Variants in PHF24 observed in about 807,000 individuals in gnomAD.
The protein encoded by PHF24 is Galpha inhibitory interacting protein.
Under a neutral mutation model 42.6 loss-of-function variants are expected in PHF24, and 25 were observed. The observed-to-expected ratio is 0.59, with a 90% confidence interval of 0.43 to 0.82. The LOEUF is 0.82. Among genes scored for constraint, PHF24 ranks in the 40% least tolerant of loss-of-function variants. The pLI is 0.00. For synonymous variants in PHF24, 185 were observed against 204.8 expected, an observed-to-expected ratio of 0.90 and a Z score of 0.83; for missense variants, 470 against 538.1, an observed-to-expected ratio of 0.87 and a Z score of 1.25.
At chr9:34,845,642 A>C in the PHF24 span, among the ~76,000 whole-genome samples, 5 of 151,910 alleles carry the variant, frequency 3.3e-5, no homozygotes, top group South Asian at 4.2e-4. Flanking sequence ...GTACATGTGC[A>C]CAATGTGCAG....
At chr9:34,846,316 T>C in the PHF24 span, among the ~76,000 whole-genome samples, 3 of 152,114 alleles carry the variant, frequency 2.0e-5, no homozygotes, top group Non-Finnish European at 4.4e-5. Flanking sequence ...TGGTATCTCA[T>C]TGTGGTTTTG....
chr9:34,923,401 G>T, the PHF24 span, among the ~76,000 whole-genome samples: 2 of 152,130 alleles, frequency 1.3e-5, no homozygotes, highest in Non-Finnish European at 2.9e-5. Context: ...AGTAGGATTG[G>T]TATTAGTCCT....
chr9:34,729,795 C>A, the PHF24 span, among the ~76,000 whole-genome samples: 1 of 152,234 alleles, frequency 6.6e-6, no homozygotes, highest in Non-Finnish European at 1.5e-5. Context: ...GGGGTCACCT[C>A]ATAAGAAGGG....
chr9:34,919,469 A>C, the PHF24 span, among the ~76,000 whole-genome samples: 1 of 152,006 alleles, frequency 6.6e-6, no homozygotes, highest in South Asian at 2.1e-4. Flanking sequence ...CACCCTTTCC[A>C]GCCTCTGATA....
At chr9:34,976,085 G>C (rs1347453907) in intron 3 of PHF24, 67 bp from the exon 4 acceptor site, 1 of 1,057,776 alleles carries the variant, frequency 9.5e-7, no homozygotes, top group Non-Finnish European at 1.5e-6. Flanking sequence ...TCTATTTCTA[G>C]CCCCCTTGAC....
the PHF24 span, among the ~76,000 whole-genome samples, chr9:34,815,569 G>T: frequency 6.6e-6 from 1 of 152,288 alleles, no homozygotes; most frequent in East Asian, 1.9e-4. Context: ...TGATCCACCT[G>T]CCTTGGCGTC....
chr9:34,975,400 G>C (rs1827150525), intron 3 of PHF24, among the ~76,000 whole-genome samples: 1 of 152,166 alleles, frequency 6.6e-6, no homozygotes, highest in Non-Finnish European at 1.5e-5. Context: ...GAAAAAGAAT[G>C]GTTTGAGTTC....
the PHF24 span, chr9:34,833,664 G>A: frequency 2.0e-6 from 3 of 1,518,298 alleles, no homozygotes; most frequent in East Asian, 2.5e-5. Flanking sequence ...AGTGAGTGGG[G>A]GCTAGTAGGA....
chr9:34,714,664 G>A, the PHF24 span, among the ~76,000 whole-genome samples: 3 of 152,256 alleles, frequency 2.0e-5, no homozygotes, highest in South Asian at 2.1e-4. Flanking sequence ...ACACAGAGCC[G>A]GTGAAAGGGA....
chr9:34,872,485 C>T, the PHF24 span, among the ~76,000 whole-genome samples: 1 of 151,440 alleles, frequency 6.6e-6, no homozygotes, highest in East Asian at 2.0e-4. Flanking sequence ...CGATAGTTTA[C>T]TGAGAATGAT....
chr9:34,847,511 G>A, the PHF24 span, among the ~76,000 whole-genome samples: 1 of 151,862 alleles, frequency 6.6e-6, no homozygotes. Flanking sequence ...CTGAGACAAT[G>A]GGGTTTTCTA....
chr9:34,963,202 C>T (rs367640993), intron 1 of PHF24, among the ~76,000 whole-genome samples: 8 of 151,126 alleles, frequency 5.3e-5, no homozygotes, highest in East Asian at 3.9e-4. Flanking sequence ...GGAGAACAAT[C>T]GGACCCCTCG....
the PHF24 span, among the ~76,000 whole-genome samples, chr9:34,920,835 T>G: frequency 2.0e-5 from 3 of 152,366 alleles, no homozygotes; most frequent in Non-Finnish European, 4.4e-5. Context: ...CTACTGATTT[T>G]TGTATGTTGA....
At chr9:34,675,545 T>C in the PHF24 span, among the ~76,000 whole-genome samples, 1 of 152,024 alleles carries the variant, frequency 6.6e-6, no homozygotes, top group Non-Finnish European at 1.5e-5. Flanking sequence ...AGTCCCAGAG[T>C]GTGGGTGGAA....
the PHF24 span, among the ~76,000 whole-genome samples, chr9:34,774,834 G>A: frequency 2.0e-5 from 3 of 151,938 alleles, no homozygotes; most frequent in Non-Finnish European, 4.4e-5. Context: ...AAATTAATAG[G>A]GAAATTATGC....
chr9:34,898,383 G>A, the PHF24 span, among the ~76,000 whole-genome samples: 6 of 151,900 alleles, frequency 3.9e-5, no homozygotes, highest in African/African-American at 7.3e-5. Flanking sequence ...GGAGTAAGGC[G>A]GTATCACATT....
intron 1 of PHF24, among the ~76,000 whole-genome samples, chr9:34,970,514 G>A (rs1826937012): frequency 6.6e-6 from 1 of 152,298 alleles, no homozygotes; most frequent in East Asian, 1.9e-4. Context: ...ACGGGTGGCA[G>A]AGTTTCCTTA....
At chr9:34,711,522 C>T in the PHF24 span, among the ~76,000 whole-genome samples, 1 of 149,390 alleles carries the variant, frequency 6.7e-6, no homozygotes, top group Non-Finnish European at 1.5e-5. Flanking sequence ...TGTGAACCAG[C>T]ATACCTGGCA....
chr9:34,723,450 T>C, the PHF24 span: 5 of 1,551,654 alleles, frequency 3.2e-6, no homozygotes, highest in Non-Finnish European at 3.5e-6. Context: ...TCCGTCTTAC[T>C]TCTCCCCACA....
Sources: gnomAD v4.1 joint callset for allele counts (sites outside exome capture counted in the v4.1 genomes callset) on GRCh38, gnomAD v4.1.1 for gene constraint, MANE v1.5 for transcripts, NCBI Gene and HGNC (gene_info 2026-07-23, HGNC 2026-07-21) for gene names.